EYS: variants seen among roughly 807,000 people sequenced by gnomAD.
EYS encodes the protein protein eyes shut homolog.
EYS carries 250 observed loss-of-function variants against 282.1 expected under a neutral mutation model. The observed-to-expected ratio is 0.89, with a 90% CI of 0.80 to 0.98. The LOEUF (loss-of-function observed/expected upper bound fraction) is 0.98, where lower values mean the gene tolerates loss of function less well. Among genes scored for constraint, EYS ranks in the 50% least tolerant of loss-of-function variants. The pLI is 0.00. For synonymous variants in EYS, 1,355 were observed against 1,282.9 expected (o/e 1.06, Z -1.20); for missense variants, 4,016 against 3,709.0 (o/e 1.08, Z -2.15).
At chr6:63,809,149 A>T (rs1770977654) in intron 36 of EYS, among the ~76,000 whole-genome samples, 1 of 152,188 alleles carries the variant, frequency 6.6e-6, no homozygotes, top group Non-Finnish European at 1.5e-5. Context: ...TCAGGAGAAG[A>T]GGTCAAAGAT....
At chr6:64,694,262 G>A (rs1266314278) in intron 22 of EYS, among the ~76,000 whole-genome samples, 3 of 152,076 alleles carry the variant, frequency 2.0e-5, no homozygotes, top group African/African-American at 7.2e-5. Context: ...TATCCATGAA[G>A]GAACATGGGG....
At chr6:65,676,133 G>T (rs140059531) in intron 1 of EYS, among the ~76,000 whole-genome samples, 1,580 of 151,280 alleles carry the variant, frequency 0.01, 14 homozygotes, top group Admixed American at 0.017. Flanking sequence ...ATAAAGAAAA[G>T]GTATCTCAAA....
intron 29 of EYS, among the ~76,000 whole-genome samples, chr6:64,335,426 T>C (rs1770814580): frequency 6.6e-6 from 1 of 152,032 alleles, no homozygotes; most frequent in African/African-American, 2.4e-5. Flanking sequence ...ACTGAAAAGT[T>C]TTGGTTGCAA....
chr6:63,979,223 C>A (rs916898493), intron 35 of EYS, among the ~76,000 whole-genome samples: 2 of 151,896 alleles, frequency 1.3e-5, no homozygotes, highest in African/African-American at 4.8e-5. Context: ...CATTTGTTTA[C>A]ATTTTGTCAG....
intron 8 of EYS, among the ~76,000 whole-genome samples, chr6:65,366,940 T>A (rs1764934979): frequency 1.3e-5 from 2 of 151,698 alleles, no homozygotes; most frequent in Non-Finnish European, 2.9e-5. Context: ...TGATTCTGTA[T>A]GCAACTTTTT....
At chr6:64,624,200 T>C (rs905841861) in intron 23 of EYS, among the ~76,000 whole-genome samples, 8 of 152,120 alleles carry the variant, frequency 5.3e-5, no homozygotes, top group African/African-American at 1.9e-4. Flanking sequence ...GCCTGAACAA[T>C]TCAACAGCTT....
rs79960486 is a variant in EYS at position 64,943,592 on chromosome 6, A to G, written c.2381+2201T>C. On this transcript the variant is annotated intron_variant, in intron 15 of 42. Coordinates refer to ENST00000503581, the MANE Select transcript of EYS (RefSeq NM_001142800.2). ...TATGAAATCTCATTTACAATAGCAC[A>G]CACACCAAAAACAAAAAACAAACAA... Among the ~76,000 whole-genome samples the G allele has an allele frequency of 6.9e-3, 1,050 of 152,102 alleles. 10 individuals carry two copies. Among genetic ancestry groups the G allele is most frequent in the South Asian group, 0.06 (292 of 4,830 alleles).
chr6:64,200,723 A>G (rs1016973687), intron 31 of EYS, among the ~76,000 whole-genome samples: 3 of 152,124 alleles, frequency 2.0e-5, no homozygotes, highest in Non-Finnish European at 4.4e-5. Flanking sequence ...CAGGGCTCTC[A>G]ATTTGCAAGA....
intron 1 of EYS, among the ~76,000 whole-genome samples, chr6:65,693,404 C>CTTTTTTTTTTTTTTTTTTTT (rs66464915): frequency 8.0e-6 from 1 of 125,286 alleles, no homozygotes; most frequent in Non-Finnish European, 1.7e-5. Context: ...TTTTTCCTTT[C>CTTTTTTTTTTTTTTTTTTTT]TTTTTTTTTT....
chr6:64,704,341 T>A (rs1770900007), intron 22 of EYS, among the ~76,000 whole-genome samples: 1 of 147,042 alleles, frequency 6.8e-6, no homozygotes. Flanking sequence ...TATACATATA[T>A]AAAATAATTG....
At position 63,788,179 on chromosome 6, in the gene EYS, AACTG is replaced by A; in HGVS notation, c.7645_7648del (p.Gln2549PhefsTer3). The A allele has an allele frequency of 6.5e-7, 1 of 1,549,096 alleles. No individual in the cohort carries two copies. Among genetic ancestry groups the A allele is most frequent in the Non-Finnish European group, 8.7e-7 (1 of 1,145,880 alleles). ...GTATTCACTGTAGCCACCTACATAA[AACTG>A]ACTGAAGACATTGAGACCAACCAGT... On this transcript the variant is annotated frameshift_variant, in exon 39 of 43. Coordinates refer to ENST00000503581, the MANE Select transcript of EYS (RefSeq NM_001142800.2). LOFTEE classifies it high-confidence loss of function.
At chr6:64,953,892 A>G (rs1172433232) in intron 14 of EYS, among the ~76,000 whole-genome samples, 1 of 151,992 alleles carries the variant, frequency 6.6e-6, no homozygotes, top group African/African-American at 2.4e-5. Flanking sequence ...TGGTAGAGGA[A>G]GATAATATAG....
chr6:65,502,888 G>A (rs1338387867), intron 2 of EYS, among the ~76,000 whole-genome samples: 2 of 151,536 alleles, frequency 1.3e-5, no homozygotes, highest in African/African-American at 4.8e-5. Flanking sequence ...CACATCATAT[G>A]GTATATAAGT....
intron 13 of EYS, among the ~76,000 whole-genome samples, chr6:65,024,113 T>C (rs1772327619): frequency 1.3e-5 from 2 of 152,090 alleles, no homozygotes; most frequent in African/African-American, 4.8e-5. Flanking sequence ...CTTGAGAAAA[T>C]AGTAATTCAT....
intron 36 of EYS, among the ~76,000 whole-genome samples, chr6:63,810,268 A>C (rs1321521414): frequency 6.6e-6 from 1 of 151,200 alleles, no homozygotes; most frequent in Non-Finnish European, 1.5e-5. Context: ...CTCAAAAAAA[A>C]AAAAAAAACA....
intron 5 of EYS, among the ~76,000 whole-genome samples, chr6:65,460,457 A>G (rs1343559122): frequency 6.6e-6 from 1 of 151,978 alleles, no homozygotes; most frequent in Non-Finnish European, 1.5e-5. Flanking sequence ...GAAAGAAAGA[A>G]CTCTCCATAG....
intron 29 of EYS, among the ~76,000 whole-genome samples, chr6:64,386,731 C>G (rs979334571): frequency 6.6e-6 from 1 of 152,154 alleles, no homozygotes. Context: ...TCCAAATTTT[C>G]TATATATTTT....
intron 41 of EYS, among the ~76,000 whole-genome samples, chr6:63,749,385 G>A (rs1418598722): frequency 6.6e-6 from 1 of 152,154 alleles, no homozygotes; most frequent in Non-Finnish European, 1.5e-5. Flanking sequence ...CATTTGCTGA[G>A]GAGTATCTTA....
chr6:65,165,415 T>A (rs1561999588), intron 12 of EYS, among the ~76,000 whole-genome samples: 1 of 151,182 alleles, frequency 6.6e-6, no homozygotes, highest in East Asian at 2.0e-4. Context: ...AGAAAATATA[T>A]CATATGGTTA....
Sources: allele counts gnomAD v4.1 joint callset (sites outside exome capture counted in the v4.1 genomes callset), GRCh38; gene constraint gnomAD v4.1.1; transcripts MANE v1.5; gene names NCBI Gene and HGNC (gene_info 2026-07-23, HGNC 2026-07-21).